CRYL1: variants seen among roughly 807,000 people sequenced by gnomAD.
CRYL1 encodes lambda-crystallin homolog.
CRYL1 carries 29 observed loss-of-function variants against 36.6 expected under a neutral mutation model. That is an observed-to-expected ratio of 0.79 (90% CI 0.59 to 1.08). CRYL1 has a LOEUF of 1.08. Ranked by LOEUF, CRYL1 falls within the 50% of genes least tolerant of loss-of-function variation. The pLI, the probability that CRYL1 is intolerant of heterozygous loss-of-function variation, is 0.00. For synonymous variants in CRYL1, 152 were observed against 151.5 expected (o/e 1.00, Z -0.02); for missense variants, 411 against 407.9 (o/e 1.01, Z -0.06).
intron 5 of CRYL1, among the ~76,000 whole-genome samples, chr13:20,420,634 G>A (rs1235436272): frequency 2.6e-5 from 4 of 151,020 alleles, no homozygotes; most frequent in Non-Finnish European, 5.9e-5. Flanking sequence ...GAAAATGAAA[G>A]CAATTGACTT....
intron 1 of CRYL1, among the ~76,000 whole-genome samples, chr13:20,516,750 G>C (rs2034005555): frequency 6.6e-6 from 1 of 152,152 alleles, no homozygotes. Context: ...AAAGTGCTAG[G>C]ATTACAGGCG....
At chr13:20,496,819 C>T (rs1035814595) in intron 2 of CRYL1, among the ~76,000 whole-genome samples, 5 of 126,730 alleles carry the variant, frequency 3.9e-5, no homozygotes, top group Admixed American at 2.0e-4. Context: ...CACTCCAGCC[C>T]GGGCACCAGA....
intron 3 of CRYL1, among the ~76,000 whole-genome samples, chr13:20,442,106 G>C (rs2032364521): frequency 6.6e-6 from 1 of 152,200 alleles, no homozygotes; most frequent in Admixed American, 6.5e-5. Context: ...CAGAGACGAA[G>C]AATGATGCAG....
intron 4 of CRYL1, among the ~76,000 whole-genome samples, chr13:20,437,309 AT>A (rs5802073): frequency 0.18 from 26,349 of 144,198 alleles, 2,228 homozygotes; most frequent in East Asian, 0.34. Flanking sequence ...AGGAAGATTA[AT>A]TTTTTTTTTT....
At chr13:20,515,884 C>A (rs1202078875) in intron 1 of CRYL1, 2 of 152,212 alleles carry the variant, frequency 1.3e-5, no homozygotes, top group Admixed American at 6.5e-5. Context: ...GAACTGTACA[C>A]TAAGAACTGT....
chr13:20,478,479 T>G (rs1222177366), intron 3 of CRYL1, among the ~76,000 whole-genome samples: 1 of 152,116 alleles, frequency 6.6e-6, no homozygotes, highest in African/African-American at 2.4e-5. Context: ...TATTTGGGTT[T>G]GTTTGTTTGT....
intron 5 of CRYL1, among the ~76,000 whole-genome samples, chr13:20,424,203 A>G (rs2031883088): frequency 6.6e-6 from 1 of 152,204 alleles, no homozygotes; most frequent in Non-Finnish European, 1.5e-5. Context: ...TTTGAAGCCA[A>G]CAAAAACACA....
At chr13:20,498,611 G>A (rs966406258) in intron 2 of CRYL1, among the ~76,000 whole-genome samples, 3 of 152,174 alleles carry the variant, frequency 2.0e-5, no homozygotes, top group Non-Finnish European at 4.4e-5. Flanking sequence ...ATTAAAATTA[G>A]CATTAACATT....
intron 1 of CRYL1, among the ~76,000 whole-genome samples, chr13:20,524,271 CTGTG>C (rs893030114): frequency 6.6e-6 from 1 of 152,170 alleles, no homozygotes; most frequent in African/African-American, 2.4e-5. Context: ...CGTGTAAAAA[CTGTG>C]TGTGTATATA....
intron 2 of CRYL1, among the ~76,000 whole-genome samples, chr13:20,505,252 G>A (rs776283581): frequency 1.3e-5 from 2 of 151,556 alleles, no homozygotes; most frequent in African/African-American, 2.4e-5. Context: ...AGCTACTCGG[G>A]AGGCTGAAGG....
chr13:20,409,799 C>T (rs1269014304), intron 6 of CRYL1, among the ~76,000 whole-genome samples: 35 of 151,448 alleles, frequency 2.3e-4, no homozygotes, highest in African/African-American at 8.2e-4. Context: ...CCATCACTGG[C>T]CATCAGAGAA....
At chr13:20,483,761 G>A (rs2033330884) in intron 3 of CRYL1, among the ~76,000 whole-genome samples, 1 of 151,930 alleles carries the variant, frequency 6.6e-6, no homozygotes, top group Non-Finnish European at 1.5e-5. Context: ...GGTTGGTCTC[G>A]AACTCCTGAG....
At chr13:20,443,096 G>T (rs1284165559) in intron 3 of CRYL1, among the ~76,000 whole-genome samples, 1 of 152,130 alleles carries the variant, frequency 6.6e-6, no homozygotes, top group East Asian at 1.9e-4. Context: ...TCTCTAACTT[G>T]TATTTTTAAA....
At position 20,439,595 on chromosome 13, in the gene CRYL1, G is replaced by A. The variant is rs766132822; in HGVS notation, c.436C>T (p.Pro146Ser). Residue 146 changes from proline (P) to serine (S), a missense_variant and splice_region_variant, in exon 4 of 8, where the codon CCT becomes TCT. Coordinates refer to ENST00000298248, the MANE Select transcript of CRYL1 (RefSeq NM_015974.3). ...TCCTCTGGATTTAAAATACTCACAG[G>A]ATGAGCCACGATGCATTGCTTCACA... ...VHVKQCIVAH[P>S]VNPPYYIPLV... The A allele has an allele frequency of 2.5e-6, 4 of 1,597,450 alleles. No homozygotes were observed. Among genetic ancestry groups the A allele is most frequent in the South Asian group, 2.2e-5 (2 of 90,606 alleles).
intron 5 of CRYL1, among the ~76,000 whole-genome samples, chr13:20,429,450 G>C (rs957410118): frequency 2.0e-5 from 3 of 152,188 alleles, no homozygotes; most frequent in Non-Finnish European, 4.4e-5. Flanking sequence ...CCCTGGAGAG[G>C]TTTGTTCACT....
chr13:20,444,862 G>T (rs1293203297), intron 3 of CRYL1, among the ~76,000 whole-genome samples: 1 of 152,196 alleles, frequency 6.6e-6, no homozygotes, highest in Non-Finnish European at 1.5e-5. Context: ...GATTACAGGT[G>T]CGCAGCACCA....
At chr13:20,451,421 T>A (rs117423119) in intron 3 of CRYL1, among the ~76,000 whole-genome samples, 8,252 of 152,128 alleles carry the variant, frequency 0.054, 350 homozygotes, top group Non-Finnish European at 0.079. Flanking sequence ...TCAGAATCTA[T>A]AAGGAACTTA....
intron 1 of CRYL1, among the ~76,000 whole-genome samples, chr13:20,522,834 A>C (rs2034119614): frequency 6.6e-6 from 1 of 151,940 alleles, no homozygotes; most frequent in Non-Finnish European, 1.5e-5. Flanking sequence ...ACAGTGTTTT[A>C]TAAAGGTAAG....
intron 6 of CRYL1, among the ~76,000 whole-genome samples, chr13:20,406,392 C>T (rs924335058): frequency 6.6e-6 from 1 of 152,124 alleles, no homozygotes; most frequent in Non-Finnish European, 1.5e-5. Context: ...GTTAAAATTT[C>T]CCCCAAAATG....
Sources: allele counts gnomAD v4.1 joint callset (sites outside exome capture counted in the v4.1 genomes callset), GRCh38; gene constraint gnomAD v4.1.1; transcripts MANE v1.5; gene names NCBI Gene and HGNC (gene_info 2026-07-23, HGNC 2026-07-21).